The following SPPL3 variants were observed in gnomAD, a reference collection of about 807,000 sequenced individuals.
SPPL3 encodes the protein signal peptide peptidase-like 3.
A neutral mutation model predicts 42.4 loss-of-function variants in SPPL3; 5 were observed. The ratio of observed to expected loss-of-function variants is 0.12; its 90% CI spans 0.06 to 0.25. The LOEUF (loss-of-function observed/expected upper bound fraction) is 0.25. Ranked by LOEUF, SPPL3 falls within the 10% of genes least tolerant of loss-of-function variation. The pLI is 1.00. For missense variants in SPPL3, 235 were observed against 489.0 expected (o/e 0.48, Z 4.90); for synonymous variants, 195 against 181.8 (o/e 1.07, Z -0.58).
At chr12:120,884,808 G>GGTTTT (rs35074232) in intron 1 of SPPL3, among the ~76,000 whole-genome samples, 3 of 137,508 alleles carry the variant, frequency 2.2e-5, no homozygotes, top group Non-Finnish European at 4.7e-5. Flanking sequence ...TTTTTTTTGG[G>GGTTTT]TTTTTTTTTT....
intron 1 of SPPL3, among the ~76,000 whole-genome samples, chr12:120,821,991 G>GA (rs35670922): frequency 0.2 from 30,339 of 151,972 alleles, 3,685 homozygotes; most frequent in Non-Finnish European, 0.28. Context: ...AAATAAACCA[G>GA]AAAAAAGAGA....
intron 6 of SPPL3, among the ~76,000 whole-genome samples, chr12:120,781,727 C>A (rs896489755): frequency 6.8e-6 from 1 of 147,198 alleles, no homozygotes; most frequent in Non-Finnish European, 1.5e-5. Flanking sequence ...CTACAGGTGC[C>A]TACCACCACT....
intron 1 of SPPL3, among the ~76,000 whole-genome samples, chr12:120,901,030 A>G (rs996012651): frequency 6.6e-6 from 1 of 152,158 alleles, no homozygotes; most frequent in African/African-American, 2.4e-5. Flanking sequence ...ATCAGTCTAC[A>G]TAGACTACTG....
chr12:120,807,701 A>C, intron 2 of SPPL3, among the ~76,000 whole-genome samples: 1 of 151,978 alleles, frequency 6.6e-6, no homozygotes, highest in East Asian at 1.9e-4. Context: ...AAAAAGAGAA[A>C]GAAAAAGAAC....
At chr12:120,861,733 T>G (rs926809087) in intron 1 of SPPL3, among the ~76,000 whole-genome samples, 1 of 152,168 alleles carries the variant, frequency 6.6e-6, no homozygotes, top group Admixed American at 6.6e-5. Context: ...TTGTAACATA[T>G]AAAAACCAAT....
intron 2 of SPPL3, among the ~76,000 whole-genome samples, chr12:120,794,899 C>T (rs1253070411): frequency 6.6e-6 from 1 of 152,104 alleles, no homozygotes; most frequent in Non-Finnish European, 1.5e-5. Flanking sequence ...ACTCTTTGCT[C>T]TTTAATTTTA....
At position 120,769,072 on chromosome 12, in the gene SPPL3, C is replaced by G. The variant is rs1566036658; in HGVS notation, c.503-13G>C. The G allele has an allele frequency of 5.0e-6, 8 of 1,589,654 alleles. No individual in the cohort carries two copies. The highest frequency in any genetic ancestry group is 1.1e-5 in the South Asian group (1 of 87,564). Reference sequence around the variant, plus strand: ...CCCATGGCCAGTGCTGGGGAGGAGACAGGGTACAGCAGACAGCAGTCAGTG... The same window carrying G: ...CCCATGGCCAGTGCTGGGGAGGAGAGAGGGTACAGCAGACAGCAGTCAGTG... On this transcript the variant is annotated splice_polypyrimidine_tract_variant and intron_variant, in intron 6 of 10. Coordinates refer to ENST00000353487, the MANE Select transcript of SPPL3 (RefSeq NM_139015.5).
At chr12:120,877,501 C>T (rs1396901513) in intron 1 of SPPL3, among the ~76,000 whole-genome samples, 1 of 152,188 alleles carries the variant, frequency 6.6e-6, no homozygotes, top group African/African-American at 2.4e-5. Flanking sequence ...CATAACCCGG[C>T]CAGGAGTGGT....
intron 1 of SPPL3, among the ~76,000 whole-genome samples, chr12:120,852,703 C>CATATATT (rs1416258689): frequency 0.024 from 366 of 15,204 alleles, 30 homozygotes; most frequent in Non-Finnish European, 0.048. Flanking sequence ...ACATATTTTA[C>CATATATT]ATATATGAAA....
chr12:120,901,556 A>T (rs1241858289), intron 1 of SPPL3, among the ~76,000 whole-genome samples: 4 of 144,878 alleles, frequency 2.8e-5, no homozygotes, highest in Non-Finnish European at 6.0e-5. Flanking sequence ...GCGCCACTGC[A>T]CTGCAGCCTG....
chr12:120,893,830 G>A (rs1442319070), intron 1 of SPPL3, among the ~76,000 whole-genome samples: 16 of 151,848 alleles, frequency 1.1e-4, no homozygotes, highest in Admixed American at 1.1e-3. Context: ...TCAATTTCTG[G>A]TCTTCCATTT....
intron 2 of SPPL3, among the ~76,000 whole-genome samples, chr12:120,806,463 A>G (rs1420439478): frequency 6.6e-6 from 1 of 152,178 alleles, no homozygotes; most frequent in African/African-American, 2.4e-5. Context: ...TAAAGATGAA[A>G]TTAAATTTGT....
intron 6 of SPPL3, among the ~76,000 whole-genome samples, chr12:120,770,539 G>A (rs80094606): frequency 2.0e-5 from 3 of 152,144 alleles, no homozygotes; most frequent in Non-Finnish European, 2.9e-5. Flanking sequence ...CTCATTGCTA[G>A]ACACAGTAAT....
intron 1 of SPPL3, among the ~76,000 whole-genome samples, chr12:120,853,983 T>TAC (rs58246859): frequency 0.049 from 6,427 of 130,166 alleles, 280 homozygotes; most frequent in East Asian, 0.17. Context: ...CACGCACACA[T>TAC]ACACACACAC....
At chr12:120,795,279 GA>G (rs1870060725) in intron 2 of SPPL3, among the ~76,000 whole-genome samples, 1 of 152,202 alleles carries the variant, frequency 6.6e-6, no homozygotes, top group African/African-American at 2.4e-5. Flanking sequence ...ACTGTAAATA[GA>G]AAAAAACTTT....
intron 1 of SPPL3, among the ~76,000 whole-genome samples, chr12:120,894,959 A>G (rs1373021712): frequency 2.0e-5 from 3 of 151,526 alleles, no homozygotes; most frequent in Non-Finnish European, 4.4e-5. Flanking sequence ...ACAAACAAAC[A>G]AACAAACAAA....
chr12:120,846,071 A>G (rs1208959544), intron 1 of SPPL3, among the ~76,000 whole-genome samples: 2 of 151,898 alleles, frequency 1.3e-5, no homozygotes, highest in East Asian at 1.9e-4. Flanking sequence ...TGATTTTTGT[A>G]TTTTTAGTAG....
In SPPL3 at chr12:120,868,468, T is replaced by C. The variant is rs76647300; in HGVS notation, c.23+35377A>G. On this transcript the variant is annotated intron_variant, in intron 1 of 10. Coordinates refer to ENST00000353487, the MANE Select transcript of SPPL3 (RefSeq NM_139015.5). ...GATGGTGTAGTAATTTCTTTTTTCTTTTTTTTTGTTTTTGTTTTATTTGTA... is the reference window on the plus strand; with the variant it reads ...GATGGTGTAGTAATTTCTTTTTTCTCTTTTTTTGTTTTTGTTTTATTTGTA... Among the ~76,000 whole-genome samples, 4 of 151,766 alleles carry C rather than the reference T, an allele frequency of 2.6e-5. No homozygotes were observed. The East Asian group carries it at 5.8e-4, about 22-fold the overall frequency.
intron 10 of SPPL3, among the ~76,000 whole-genome samples, chr12:120,765,587 G>A (rs534103978): frequency 1.3e-5 from 2 of 152,322 alleles, no homozygotes; most frequent in East Asian, 3.9e-4. Context: ...GCCCCTTTCT[G>A]ATGCTTGATC....
Sources: allele counts gnomAD v4.1 joint callset (sites outside exome capture counted in the v4.1 genomes callset), GRCh38; gene constraint gnomAD v4.1.1; transcripts MANE v1.5; gene names NCBI Gene and HGNC (gene_info 2026-07-23, HGNC 2026-07-21).